TBRG4: variants seen among roughly 807,000 people sequenced by gnomAD.
TBRG4 encodes transforming growth factor beta regulator 4.
A neutral mutation model predicts 65.6 loss-of-function variants in TBRG4; 43 were observed. The observed-to-expected ratio is 0.66, with a 90% CI of 0.51 to 0.85. The LOEUF (loss-of-function observed/expected upper bound fraction) is 0.85. Ranked by LOEUF, TBRG4 falls within the 40% of genes least tolerant of loss-of-function variation. The pLI, the probability that TBRG4 is intolerant of heterozygous loss-of-function variation, is 0.00. For synonymous variants in TBRG4, 366 were observed against 341.4 expected, an observed-to-expected ratio of 1.07 and a Z score of -0.79; for missense variants, 709 against 787.9, an observed-to-expected ratio of 0.90 and a Z score of 1.20.
chr7:45,103,395 C>T lies in TBRG4; in HGVS notation c.1114G>A (p.Val372Ile), dbSNP rs770909918. 8.1e-6 allele frequency: 13 copies of T among 1,613,926 alleles called. No individual in the cohort carries two copies. The highest frequency in any genetic ancestry group is 5.3e-5 in the African/African-American group (4 of 74,916). The change falls in exon 6 of 11, where the codon GTA (valine) becomes ATA (isoleucine). Residue 372 changes from valine to isoleucine, a missense_variant. By Grantham distance (29) the Val-to-Ile change is conservative. Transcript: ENST00000258770. ...TTCAGACGCGCAAAAGCCAGAAGTA[C>T]GCTGCACAGGTGGGGCAGGGTGATG... Reference protein sequence around the residue: ...QDITLPHLCSVLLAFARLNFH... With the variant: ...QDITLPHLCSILLAFARLNFH...
Position 45,111,690 on chromosome 7 carries a change from G to T in TBRG4, c.-98C>A, listed in dbSNP as rs761874188. On this transcript the variant is annotated 5_prime_UTR_variant, in exon 1 of 11. Coordinates refer to ENST00000258770, the MANE Select transcript of TBRG4 (RefSeq NM_004749.4). Reference sequence around the variant, plus strand: ...TCCATCCGCCGCCCTAACTGTCCCCGGAACCATGAGGTGCGCGGCGCGCTT... The same window carrying T: ...TCCATCCGCCGCCCTAACTGTCCCCTGAACCATGAGGTGCGCGGCGCGCTT... 1 of 1,289,314 alleles carries T rather than the reference G, an allele frequency of 7.8e-7. No homozygotes were observed. The highest frequency in any genetic ancestry group is 1.2e-5 in the South Asian group (1 of 81,000). The allele number at this position is 1,289,314 out of a possible 1,614,324, so 79.9% of individuals were successfully genotyped here. A position where few individuals can be genotyped will look rare whatever the true frequency, so the allele number is the denominator to read the frequency against.
chr7:45,102,744 T>C (rs550328985), intron 6 of TBRG4: 31 of 524,112 alleles, frequency 5.9e-5, no homozygotes, highest in Non-Finnish European at 9.7e-5. Context: ...ATGCTGGCAT[T>C]TGATTAGGTT....
intron 9 of TBRG4, 32 bp downstream of exon 9, chr7:45,101,471 C>A (rs758937653): frequency 6.3e-7 from 1 of 1,595,482 alleles, no homozygotes; most frequent in Admixed American, 1.7e-5. Flanking sequence ...AGCCATGGTG[C>A]CCCCATGGCC....
intron 1 of TBRG4, 41 bp downstream of exon 1, chr7:45,111,602 C>A (rs1179526456): frequency 7.8e-7 from 1 of 1,289,408 alleles, no homozygotes; most frequent in South Asian, 1.2e-5. Flanking sequence ...CACTCGAAAC[C>A]CACGATCAGC....
At chr7:45,107,691 A>T (rs1326097563) in intron 2 of TBRG4, 1 of 154,664 alleles carries the variant, frequency 6.5e-6, no homozygotes. Flanking sequence ...GGACAGCAGG[A>T]AAATCTTTGA....
Position 45,104,272 on chromosome 7 carries a change from G to C in TBRG4, c.908-16C>G. ...CTGAGTTTGCCTTCAGGACAGAGCA[G>C]ATCACAGGGTTTAGCTGGAGAGAGT... On this transcript the variant is annotated splice_polypyrimidine_tract_variant and intron_variant, in intron 4 of 10. Transcript: ENST00000258770. The C allele has an allele frequency of 1.2e-6, 2 of 1,613,432 alleles. No individual in the cohort carries two copies. Among genetic ancestry groups the C allele is most frequent in the Non-Finnish European group, 1.7e-6 (2 of 1,179,722 alleles).
At chr7:45,105,812 T>C in intron 2 of TBRG4, 48 bp from the exon 3 acceptor site, 1 of 1,562,566 alleles carries the variant, frequency 6.4e-7, no homozygotes, top group Non-Finnish European at 8.7e-7. Flanking sequence ...CTGTCAGTCC[T>C]GTGTGTGAGC....
At chr7:45,106,837 A>C (rs1438953223) in intron 2 of TBRG4, 2 of 152,188 alleles carry the variant, frequency 1.3e-5, no homozygotes, top group Non-Finnish European at 2.9e-5. Context: ...TGAGTCAGAG[A>C]AGCTCCAACC....
At chr7:45,100,919 G>A (rs1365832953) in intron 10 of TBRG4, among the ~76,000 whole-genome samples, 1 of 152,260 alleles carries the variant, frequency 6.6e-6, no homozygotes, top group East Asian at 1.9e-4. Flanking sequence ...GACCAAGGGG[G>A]CAGAGCAGCT....
chr7:45,105,098 G>A, intron 3 of TBRG4: 1 of 672,360 alleles, frequency 1.5e-6, no homozygotes, highest in Non-Finnish European at 2.8e-6. Flanking sequence ...CCAGAAGCCA[G>A]GCCTGGGCAG....
At chr7:45,106,163 C>A in intron 2 of TBRG4, 3 of 464,326 alleles carry the variant, frequency 6.5e-6, no homozygotes, top group African/African-American at 2.0e-5. Flanking sequence ...ACCTCTGAGC[C>A]TGATCCTCTA....
chr7:45,108,452 C>T (rs1785024557), intron 2 of TBRG4, among the ~76,000 whole-genome samples: 1 of 152,248 alleles, frequency 6.6e-6, no homozygotes. Flanking sequence ...AGTCATGCTG[C>T]ATCTCCTTTG....
rs144490644 is a variant in TBRG4, at chr7:45,101,486, G to A, written c.1679+17C>T. ...AGCCATGGTGCCCCCATGGCCAACAGGTCCCTGGCCACCTACCTCTTAGAC... is the reference window on the plus strand; with the variant it reads ...AGCCATGGTGCCCCCATGGCCAACAAGTCCCTGGCCACCTACCTCTTAGAC... On this transcript the variant is annotated intron_variant, in intron 9 of 10. Coordinates refer to ENST00000258770, the MANE Select transcript of TBRG4 (RefSeq NM_004749.4). 2 of 1,609,238 alleles carry A rather than the reference G, an allele frequency of 1.2e-6. No individual in the cohort carries two copies. The highest frequency in any genetic ancestry group is 1.7e-6 in the Non-Finnish European group (2 of 1,176,914).
At chr7:45,108,476 T>A (rs1380566516) in intron 2 of TBRG4, among the ~76,000 whole-genome samples, 1 of 152,152 alleles carries the variant, frequency 6.6e-6, no homozygotes, top group Non-Finnish European at 1.5e-5. Context: ...TCAAAAACAG[T>A]GCCTTGCCAT....
chr7:45,101,049 A>C (rs190013151), intron 10 of TBRG4, among the ~76,000 whole-genome samples: 29 of 152,238 alleles, frequency 1.9e-4, no homozygotes, highest in African/African-American at 6.0e-4. Flanking sequence ...TTTTGGGTTC[A>C]CCCACGGGGT....
chr7:45,103,236 C>T (rs564007900), intron 6 of TBRG4, 97 bp downstream of exon 6: 6 of 1,034,972 alleles, frequency 5.8e-6, no homozygotes, highest in Admixed American at 4.0e-5. Flanking sequence ...GCCCCTCCCG[C>T]CTCCACCTAG....
At position 45,110,499 on chromosome 7, in the gene TBRG4, T is replaced by A. The variant is rs549200969; in HGVS notation, c.-51+1144A>T. Among the ~76,000 whole-genome samples the A allele has an allele frequency of 2.0e-5, 3 of 152,122 alleles. No individual in the cohort carries two copies. In the South Asian group the frequency reaches 6.2e-4, roughly 32 times the overall value. ...GGCTAACACGGTGAAACACCGTCTC[T>A]ACTAAAAATACAAAAAAATTAGCCG... On this transcript the variant is annotated intron_variant, in intron 1 of 10. Coordinates refer to ENST00000258770, the MANE Select transcript of TBRG4 (RefSeq NM_004749.4).
At chr7:45,108,116 T>G (rs147975558) in intron 2 of TBRG4, among the ~76,000 whole-genome samples, 81 of 152,372 alleles carry the variant, frequency 5.3e-4, no homozygotes, top group African/African-American at 1.7e-3. Context: ...CTTCCTTGGA[T>G]AGTGCCTTTC....
chr7:45,111,525 A>G, intron 1 of TBRG4, 118 bp downstream of exon 1: 1 of 1,182,208 alleles, frequency 8.5e-7, no homozygotes, highest in South Asian at 1.3e-5. Context: ...ACGGCATCCC[A>G]CCGCGTCCCA....
Sources: gnomAD v4.1 joint callset for allele counts (sites outside exome capture counted in the v4.1 genomes callset) on GRCh38, gnomAD v4.1.1 for gene constraint, MANE v1.5 for transcripts, NCBI Gene and HGNC (gene_info 2026-07-23, HGNC 2026-07-21) for gene names.